WASHC5: variants seen among roughly 807,000 people sequenced by gnomAD.
WASHC5 encodes the protein WASH complex subunit strumpellin.
In WASHC5, 101 loss-of-function variants were observed where a neutral mutation model predicts 150.4. The ratio of observed to expected loss-of-function variants is 0.67; its 90% CI spans 0.57 to 0.79. WASHC5 has a LOEUF of 0.79. WASHC5 is among the 30% of genes least tolerant of loss of function. WASHC5 has a pLI of 0.00. For synonymous variants in WASHC5, 467 were observed against 491.2 expected (o/e 0.95, Z 0.65); for missense variants, 1,195 against 1,396.3 (o/e 0.86, Z 2.30).
intron 27 of WASHC5, among the ~76,000 whole-genome samples, chr8:125,030,163 C>T (rs966262126): frequency 6.6e-5 from 10 of 152,178 alleles, no homozygotes; most frequent in African/African-American, 2.4e-4. Context: ...TCCAAGTTGA[C>T]AGCTAGGGAG....
chr8:125,058,959 TA>T (rs1391916245), intron 14 of WASHC5, among the ~76,000 whole-genome samples: 1 of 152,060 alleles, frequency 6.6e-6, no homozygotes, highest in Admixed American at 6.5e-5. Flanking sequence ...AGTACACAGA[TA>T]AAACTTAAAA....
Position 125,044,089 on chromosome 8 carries a change from G to GA in WASHC5, c.2672dup (p.Leu892ProfsTer37), listed in dbSNP as rs1360803396. The GA allele has an allele frequency of 1.2e-6, 2 of 1,604,848 alleles. No individual in the cohort carries two copies. Among genetic ancestry groups the GA allele is most frequent in the Admixed American group, 1.7e-5 (1 of 59,994 alleles). On this transcript the variant is annotated frameshift_variant, in exon 22 of 29. Transcript: ENST00000318410. LOFTEE classifies it high-confidence loss of function. ...GGATAATTTTCTGAAACATACTGAG[G>GA]AAATTCTAAAAACAAGAAGGCACGG...
At chr8:125,059,686 C>T (rs1204108880) in intron 12 of WASHC5, 144 bp from the exon 13 acceptor site, 7 of 666,930 alleles carry the variant, frequency 1.0e-5, no homozygotes, top group East Asian at 8.3e-5. Flanking sequence ...ATTTCAGAAA[C>T]GTGAGCCAAG....
chr8:125,062,431 G>C (rs1816623196), intron 11 of WASHC5, among the ~76,000 whole-genome samples: 1 of 152,192 alleles, frequency 6.6e-6, no homozygotes, highest in South Asian at 2.1e-4. Context: ...CACTATCACA[G>C]AGATTAATGC....
intron 23 of WASHC5, among the ~76,000 whole-genome samples, chr8:125,043,592 C>T (rs1439914602): frequency 6.6e-6 from 1 of 152,156 alleles, no homozygotes; most frequent in African/African-American, 2.4e-5. Flanking sequence ...TACAAAGAGC[C>T]AGTTTTCTTG....
chr8:125,059,240 G>T lies in WASHC5; in HGVS notation c.1746C>A (p.Leu582=), dbSNP rs1816508492. ...TGCTTACCTTTAGGAAGGTAGCTCT[G>T]AGTTTAGTAACCATGGATGGATTTA... The part of the protein sequence containing the change: ...IRVNPSMVTK[L]RATFLKLASA... Residue 582 remains leucine (L), a synonymous_variant, in exon 14 of 29, where the codon CTC becomes CTA. Transcript: ENST00000318410. 3 of 1,613,658 alleles carry T rather than the reference G, an allele frequency of 1.9e-6. No homozygotes were observed. Among genetic ancestry groups the T allele is most frequent in the Admixed American group, 3.3e-5 (2 of 60,024 alleles).
intron 28 of WASHC5, 150 bp downstream of exon 28, chr8:125,028,470 A>T: frequency 1.6e-6 from 1 of 632,732 alleles, no homozygotes; most frequent in Non-Finnish European, 2.9e-6. Flanking sequence ...AGGCAAGGAC[A>T]TTTCAGAGCT....
intron 8 of WASHC5, among the ~76,000 whole-genome samples, chr8:125,073,563 A>G (rs1355810020): frequency 1.3e-5 from 2 of 152,210 alleles, no homozygotes; most frequent in African/African-American, 2.4e-5. Context: ...TGACATATGG[A>G]CTACAGTTAT....
At position 125,050,597 on chromosome 8, in the gene WASHC5, C is replaced by A. The variant is rs763324557; in HGVS notation, c.2166G>T (p.Leu722=). The A allele has an allele frequency of 6.2e-7, 1 of 1,614,030 alleles. No individual in the cohort carries two copies. Among genetic ancestry groups the A allele is most frequent in the African/African-American group, 1.3e-5 (1 of 74,936 alleles). The part of the protein sequence containing the change: ...KELVKRVAFA[L]HRGLIFNPRA... Reference sequence around the variant, plus strand: ...GAGGGTTGAATATCAGTCCCCTATGCAGGGCAAAGGCAACGCGCTTCACAA... The same window carrying A: ...GAGGGTTGAATATCAGTCCCCTATGAAGGGCAAAGGCAACGCGCTTCACAA... Residue 722 remains leucine (L), a synonymous_variant, in exon 18 of 29, where the codon CTG becomes CTT. Coordinates refer to ENST00000318410, the MANE Select transcript of WASHC5 (RefSeq NM_014846.4).
chr8:125,049,624 A>G (rs1816179828), intron 18 of WASHC5, among the ~76,000 whole-genome samples: 1 of 151,756 alleles, frequency 6.6e-6, no homozygotes, highest in Non-Finnish European at 1.5e-5. Context: ...AGATGGGTGG[A>G]TCACTTGAGG....
In WASHC5 at chr8:125,061,020, T is replaced by C; in HGVS notation, c.1521+62A>G. On this transcript the variant is annotated intron_variant, in intron 12 of 28. Coordinates refer to ENST00000318410, the MANE Select transcript of WASHC5 (RefSeq NM_014846.4). ...AGCTATATTTACAGGAACAGACTGC[T>C]GGGTGGGTCATAAGGTGTGATTCAT... The C allele has an allele frequency of 7.0e-6, 6 of 859,236 alleles. No individual in the cohort carries two copies. The Admixed American group carries it at 7.3e-5, about 10-fold the overall frequency. The allele number at this position is 859,236 out of a possible 1,614,324, so 53.2% of individuals were successfully genotyped here. A position where few individuals can be genotyped will look rare whatever the true frequency, so the allele number is the denominator to read the frequency against.
At chr8:125,057,528 G>A in intron 15 of WASHC5, 28 bp downstream of exon 15, 7 of 1,414,928 alleles carry the variant, frequency 4.9e-6, no homozygotes, top group Non-Finnish European at 7.0e-6. Flanking sequence ...TCTGGCAAGA[G>A]TAAATATCAC....
At chr8:125,087,072 T>A (rs2130236703) in intron 1 of WASHC5, among the ~76,000 whole-genome samples, 1 of 152,334 alleles carries the variant, frequency 6.6e-6, no homozygotes. Flanking sequence ...CATATTGTAT[T>A]GTTTTGGGCA....
intron 18 of WASHC5, among the ~76,000 whole-genome samples, chr8:125,050,021 A>C (rs575404880): frequency 1.5e-4 from 22 of 147,890 alleles, no homozygotes; most frequent in Non-Finnish European, 3.2e-4. Flanking sequence ...AAGAAATAAA[A>C]AAAAAGAATG....
At chr8:125,045,813 T>C (rs1353493627) in intron 20 of WASHC5, among the ~76,000 whole-genome samples, 1 of 152,056 alleles carries the variant, frequency 6.6e-6, no homozygotes, top group Non-Finnish European at 1.5e-5. Flanking sequence ...CCAATTCTGA[T>C]GATAAAATTC....
At chr8:125,067,510 G>A in intron 10 of WASHC5, 82 bp downstream of exon 10, 1 of 1,177,994 alleles carries the variant, frequency 8.5e-7, no homozygotes, top group Non-Finnish European at 1.2e-6. Context: ...GACAGAGCAA[G>A]CAATCCTAGT....
intron 7 of WASHC5, 29 bp downstream of exon 7, chr8:125,076,319 T>C: frequency 6.2e-7 from 1 of 1,607,796 alleles, no homozygotes; most frequent in Non-Finnish European, 8.5e-7. Flanking sequence ...ACACATTTAC[T>C]GTAGAGGAAA....
chr8:125,052,640 A>T (rs901051108), intron 17 of WASHC5, among the ~76,000 whole-genome samples: 2 of 148,864 alleles, frequency 1.3e-5, no homozygotes, highest in Admixed American at 6.7e-5. Flanking sequence ...ACACACACAC[A>T]TACATACATG....
intron 4 of WASHC5, 72 bp downstream of exon 4, chr8:125,082,310 GA>G: frequency 2.3e-6 from 2 of 856,772 alleles, no homozygotes; most frequent in South Asian, 2.8e-5. Flanking sequence ...ATATATTTGT[GA>G]CTTAAAAGAA....
Sources: allele counts gnomAD v4.1 joint callset (sites outside exome capture counted in the v4.1 genomes callset), GRCh38; gene constraint gnomAD v4.1.1; transcripts MANE v1.5; gene names NCBI Gene and HGNC (gene_info 2026-07-23, HGNC 2026-07-21).